Variants in EDIL3 observed in about 807,000 individuals in gnomAD.
The protein encoded by EDIL3 is EGF-like repeat and discoidin I-like domain-containing protein 3.
EDIL3 carries 37 observed loss-of-function variants against 67.4 expected under a neutral mutation model. The observed-to-expected ratio is 0.55, with a 90% confidence interval of 0.42 to 0.72. The LOEUF (loss-of-function observed/expected upper bound fraction) is 0.72. EDIL3 is among the 30% of genes least tolerant of loss of function. The pLI is 0.00. For synonymous variants in EDIL3, 195 were observed against 196.3 expected, an observed-to-expected ratio of 0.99 and a Z score of 0.05; for missense variants, 527 against 586.3, an observed-to-expected ratio of 0.90 and a Z score of 1.04.
intron 1 of EDIL3, among the ~76,000 whole-genome samples, chr5:84,260,178 T>C (rs926234709): frequency 2.0e-5 from 3 of 152,178 alleles, no homozygotes; most frequent in Admixed American, 6.5e-5. Context: ...ATAAAAGCCA[T>C]GAGAGGAGGG....
intron 8 of EDIL3, among the ~76,000 whole-genome samples, chr5:84,062,390 A>G (rs1173055613): frequency 6.6e-6 from 1 of 152,058 alleles, no homozygotes; most frequent in Non-Finnish European, 1.5e-5. Context: ...GGGAAGAGGA[A>G]AGATAGTTGT....
At chr5:84,354,431 C>A (rs1747429956) in intron 1 of EDIL3, among the ~76,000 whole-genome samples, 1 of 152,002 alleles carries the variant, frequency 6.6e-6, no homozygotes, top group African/African-American at 2.4e-5. Context: ...CCGAGGCAAG[C>A]AGATCTCTTG....
At chr5:84,027,923 C>T (rs1745844882) in intron 9 of EDIL3, among the ~76,000 whole-genome samples, 1 of 152,058 alleles carries the variant, frequency 6.6e-6, no homozygotes, top group Admixed American at 6.6e-5. Context: ...GGAATTTAAC[C>T]TTTCCTCAAA....
intron 4 of EDIL3, among the ~76,000 whole-genome samples, chr5:84,160,586 C>T (rs1442758584): frequency 2.0e-5 from 3 of 152,026 alleles, no homozygotes; most frequent in South Asian, 2.1e-4. Flanking sequence ...AGCAGCTGCA[C>T]GTGAAGCAGT....
chr5:84,007,576 A>C (rs1745440302), intron 9 of EDIL3, among the ~76,000 whole-genome samples: 1 of 152,184 alleles, frequency 6.6e-6, no homozygotes, highest in Non-Finnish European at 1.5e-5. Context: ...CTACAGTTAG[A>C]TATCATGTCA....
At chr5:84,375,217 A>G (rs1747944115) in intron 1 of EDIL3, among the ~76,000 whole-genome samples, 1 of 152,018 alleles carries the variant, frequency 6.6e-6, no homozygotes, top group Non-Finnish European at 1.5e-5. Context: ...TGACCCGCCC[A>G]CTTCAGTCTC....
At chr5:84,041,344 C>T (rs1746116661) in intron 9 of EDIL3, among the ~76,000 whole-genome samples, 1 of 151,676 alleles carries the variant, frequency 6.6e-6, no homozygotes, top group South Asian at 2.1e-4. Flanking sequence ...TTTCAGCCAG[C>T]CCATGCCACC....
chr5:83,953,569 A>G (rs1433777073), intron 10 of EDIL3, among the ~76,000 whole-genome samples: 2 of 151,822 alleles, frequency 1.3e-5, no homozygotes, highest in Non-Finnish European at 2.9e-5. Flanking sequence ...ATTATTAAAT[A>G]TCAGACATTT....
chr5:84,064,534 T>A (rs1241988794), intron 8 of EDIL3, among the ~76,000 whole-genome samples, 166 bp downstream of exon 8: 1 of 152,216 alleles, frequency 6.6e-6, no homozygotes, highest in African/African-American at 2.4e-5. Context: ...ACTTGTTTAT[T>A]CTATACATAA....
At chr5:84,106,512 G>T in intron 6 of EDIL3, 137 bp downstream of exon 6, 2 of 1,053,688 alleles carry the variant, frequency 1.9e-6, no homozygotes, top group Non-Finnish European at 2.6e-6. Context: ...GAGCTAATTT[G>T]AACTCTTCAC....
At chr5:84,348,850 G>A (rs1186922501) in intron 1 of EDIL3, among the ~76,000 whole-genome samples, 1 of 152,078 alleles carries the variant, frequency 6.6e-6, no homozygotes, top group Non-Finnish European at 1.5e-5. Flanking sequence ...TCTAGTGTTT[G>A]TTGAGCAATG....
At chr5:83,951,054 G>T (rs986773783) in intron 10 of EDIL3, among the ~76,000 whole-genome samples, 3 of 151,662 alleles carry the variant, frequency 2.0e-5, no homozygotes, top group African/African-American at 7.3e-5. Flanking sequence ...TGCTTCCCAA[G>T]ATTTCTCCAT....
chr5:84,288,176 G>C (rs1485251266), intron 1 of EDIL3, among the ~76,000 whole-genome samples: 2 of 151,934 alleles, frequency 1.3e-5, no homozygotes, highest in Non-Finnish European at 2.9e-5. Context: ...AAAACCCTTA[G>C]AGGCATTCAT....
At chr5:84,143,223 T>C (rs946394889) in intron 4 of EDIL3, among the ~76,000 whole-genome samples, 1 of 152,124 alleles carries the variant, frequency 6.6e-6, no homozygotes, top group Non-Finnish European at 1.5e-5. Context: ...CAGTCACTTC[T>C]GTGACCAGTT....
chr5:84,084,680 T>G (rs1747037900), intron 6 of EDIL3, among the ~76,000 whole-genome samples: 2 of 152,316 alleles, frequency 1.3e-5, no homozygotes, highest in South Asian at 2.1e-4. Flanking sequence ...CCAAACACTA[T>G]GCTAGATGCA....
chr5:84,310,967 G>C (rs1272599146), intron 1 of EDIL3, among the ~76,000 whole-genome samples: 1 of 152,020 alleles, frequency 6.6e-6, no homozygotes, highest in Middle Eastern at 3.4e-3. Context: ...CACATGAATT[G>C]AATGTATTCT....
At chr5:84,143,304 C>T (rs1029529093) in intron 4 of EDIL3, among the ~76,000 whole-genome samples, 4 of 151,954 alleles carry the variant, frequency 2.6e-5, no homozygotes, top group African/African-American at 9.7e-5. Context: ...ACTAGTAATT[C>T]ATTTTAAAGT....
At chr5:84,169,495 G>A (rs907745070) in intron 4 of EDIL3, among the ~76,000 whole-genome samples, 4 of 151,742 alleles carry the variant, frequency 2.6e-5, no homozygotes, top group African/African-American at 7.3e-5. Context: ...TATACGAAAT[G>A]GTTCAAACAC....
At chr5:84,124,920 A>T (rs908285467) in intron 5 of EDIL3, among the ~76,000 whole-genome samples, 1 of 151,984 alleles carries the variant, frequency 6.6e-6, no homozygotes, top group Admixed American at 6.6e-5. Flanking sequence ...TCTCAGGTAC[A>T]CTTATAAACT....
Sources: gnomAD v4.1 joint callset for allele counts (sites outside exome capture counted in the v4.1 genomes callset) on GRCh38, gnomAD v4.1.1 for gene constraint, MANE v1.5 for transcripts, NCBI Gene and HGNC (gene_info 2026-07-23, HGNC 2026-07-21) for gene names.